The following CDS1 variants were observed in gnomAD, a reference collection of about 807,000 sequenced individuals.
CDS1 encodes the protein phosphatidate cytidylyltransferase 1.
CDS1 carries 41 observed loss-of-function variants against 62.1 expected under a neutral mutation model. The observed-to-expected ratio is 0.66, with a 90% CI of 0.51 to 0.86. The LOEUF is 0.86. Among genes scored for constraint, CDS1 ranks in the 40% least tolerant of loss-of-function variants. The pLI is 0.00. For missense variants in CDS1, 470 were observed against 550.1 expected, an observed-to-expected ratio of 0.85 and a Z score of 1.46; for synonymous variants, 185 against 192.6, an observed-to-expected ratio of 0.96 and a Z score of 0.32.
intron 4 of CDS1, among the ~76,000 whole-genome samples, chr4:84,617,918 T>C (rs947718283): frequency 2.6e-5 from 4 of 152,170 alleles, no homozygotes; most frequent in African/African-American, 4.8e-5. Context: ...TTGTCCTTTT[T>C]TTAATAAAAA....
At position 84,590,393 on chromosome 4, in the gene CDS1, C is replaced by T. The variant is rs534679059; in HGVS notation, c.117+6875C>T. 7.2e-5 allele frequency among the ~76,000 whole-genome samples: 11 copies of T among 152,158 alleles called. 1 individual carries two copies. The East Asian group carries it at 9.7e-4, about 13-fold the overall frequency. On this transcript the variant is annotated intron_variant, in intron 1 of 12. Coordinates refer to ENST00000295887, the MANE Select transcript of CDS1 (RefSeq NM_001263.4). ...TGGTAATGTAATAGTAAGCTATGTG[C>T]GGGTTAGGAATGGTAGTTAACTTGA...
At chr4:84,637,341 C>T (rs1724244326) in intron 8 of CDS1, among the ~76,000 whole-genome samples, 1 of 152,122 alleles carries the variant, frequency 6.6e-6, no homozygotes, top group South Asian at 2.1e-4. Context: ...CTTTAATTGG[C>T]TTATGGTTCT....
chr4:84,615,798 C>T (rs1723475871), intron 3 of CDS1, among the ~76,000 whole-genome samples: 1 of 152,124 alleles, frequency 6.6e-6, no homozygotes, highest in South Asian at 2.1e-4. Flanking sequence ...CAACAGAGTC[C>T]TATGAGTGTA....
intron 1 of CDS1, among the ~76,000 whole-genome samples, chr4:84,599,401 C>CATAT (rs1201257441): frequency 3.3e-3 from 78 of 23,844 alleles, no homozygotes; most frequent in Non-Finnish European, 7.2e-3. Context: ...TTGACACACA[C>CATAT]ACACATATAT....
chr4:84,628,924 G>A (rs977176674), intron 5 of CDS1, among the ~76,000 whole-genome samples: 27 of 152,094 alleles, frequency 1.8e-4, no homozygotes, highest in Non-Finnish European at 2.6e-4. Context: ...GCTGGGCAAC[G>A]AGATGTACGT....
chr4:84,614,694 C>T (rs1723432520), intron 3 of CDS1, among the ~76,000 whole-genome samples: 1 of 152,080 alleles, frequency 6.6e-6, no homozygotes, highest in Non-Finnish European at 1.5e-5. Context: ...ACAGACAAAT[C>T]TCTATGCAAA....
At chr4:84,616,731 T>C (rs906392167) in intron 3 of CDS1, among the ~76,000 whole-genome samples, 5 of 152,228 alleles carry the variant, frequency 3.3e-5, no homozygotes, top group Non-Finnish European at 7.3e-5. Flanking sequence ...ATTTGCTCTT[T>C]GAGTCTTGGA....
At chr4:84,609,994 G>A (rs983456281) in intron 3 of CDS1, among the ~76,000 whole-genome samples, 1 of 150,566 alleles carries the variant, frequency 6.6e-6, no homozygotes, top group South Asian at 2.1e-4. Context: ...CTGCAGCCTG[G>A]GCAACACAGA....
intron 1 of CDS1, among the ~76,000 whole-genome samples, chr4:84,586,263 A>G (rs1457300648): frequency 1.3e-5 from 2 of 152,130 alleles, no homozygotes; most frequent in African/African-American, 2.4e-5. Flanking sequence ...ATTCAGGTAC[A>G]TTACATTTAT....
In CDS1 at chr4:84,640,905, C is replaced by T. The variant is rs201473958; in HGVS notation, c.947C>T (p.Ser316Phe). Residue 316 changes from serine (S) to phenylalanine (F), a missense_variant, in exon 10 of 13, where the codon TCC (serine) becomes TTC (phenylalanine). Transcript: ENST00000295887. ...GTGGAATACCGAAGTGATGTAAACT[C>T]CTTCGTGACAGAATGTGAGCCCTCA... The part of the protein sequence containing the change: ...CPVEYRSDVN[S>F]FVTECEPSEL... 1 of 1,611,830 alleles carries T rather than the reference C, an allele frequency of 6.2e-7. No individual in the cohort carries two copies. Among genetic ancestry groups the T allele is most frequent in the African/African-American group, 1.3e-5 (1 of 74,902 alleles).
At chr4:84,603,629 C>T (rs531147663) in intron 1 of CDS1, among the ~76,000 whole-genome samples, 125 of 152,318 alleles carry the variant, frequency 8.2e-4, no homozygotes, top group Admixed American at 1.6e-3. Flanking sequence ...CATACTCACG[C>T]AGCTCCTGTA....
intron 5 of CDS1, among the ~76,000 whole-genome samples, chr4:84,631,031 TA>T (rs1391651679): frequency 6.7e-6 from 1 of 149,082 alleles, no homozygotes; most frequent in Non-Finnish European, 1.5e-5. Context: ...ATCATTGTAA[TA>T]AATTTGTAAA....
In CDS1 at chr4:84,634,166, C is replaced by T. The variant is rs143591518; in HGVS notation, c.722+227C>T. 2.7e-3 allele frequency among the ~76,000 whole-genome samples: 416 copies of T among 152,138 alleles called. 2 individuals are homozygous for T. Among genetic ancestry groups the T allele is most frequent in the African/African-American group, 9.8e-3 (406 of 41,504 alleles). On this transcript the variant is annotated intron_variant, in intron 7 of 12. Coordinates refer to ENST00000295887, the MANE Select transcript of CDS1 (RefSeq NM_001263.4). Reference sequence around the variant, plus strand: ...TCAAGTTCCAAATATAGGAAGTTCCCATAAAAGACCCAAAAAATTAATTAC... The same window carrying T: ...TCAAGTTCCAAATATAGGAAGTTCCTATAAAAGACCCAAAAAATTAATTAC...
rs964287115 is a variant in CDS1, at chr4:84,628,781, T to C, written c.581-3038T>C. ...AACTCATGGCCTCAAGCAGTCCTCC[T>C]TCCTTGGCCTCCCAAGGTGTTGGGA... On this transcript the variant is annotated intron_variant, in intron 5 of 12. Coordinates refer to ENST00000295887, the MANE Select transcript of CDS1 (RefSeq NM_001263.4). Among the ~76,000 whole-genome samples the C allele has an allele frequency of 7.9e-5, 12 of 152,172 alleles. No homozygotes were observed. The East Asian group carries it at 2.3e-3, about 29-fold the overall frequency.
At chr4:84,619,252 C>CATAAGG in intron 4 of CDS1, 142 bp from the exon 5 acceptor site, 1 of 444,762 alleles carries the variant, frequency 2.2e-6, no homozygotes, top group East Asian at 3.5e-5. Flanking sequence ...AGGAAAATAG[C>CATAAGG]ATTTTGGTAA....
chr4:84,649,067 C>T lies in CDS1; in HGVS notation c.*381C>T. 1 of 159,824 alleles carries T rather than the reference C, an allele frequency of 6.3e-6. No homozygotes were observed. Among genetic ancestry groups the T allele is most frequent in the Non-Finnish European group, 1.4e-5 (1 of 73,398 alleles). 9.9% of individuals were successfully genotyped at this position (159,824 alleles called of 1,614,324 possible). On this transcript the variant is annotated 3_prime_UTR_variant, in exon 13 of 13. Transcript: ENST00000295887. Reference sequence around the variant, plus strand: ...CTTTTTGCACAAATATTTACTTTTGCACTTGGAGCTGCTTTTAATTTTAGC... The same window carrying T: ...CTTTTTGCACAAATATTTACTTTTGTACTTGGAGCTGCTTTTAATTTTAGC...
In CDS1 at chr4:84,619,499, C is replaced by G. The variant is rs1381775352; in HGVS notation, c.546C>G (p.Tyr182Ter). 6.2e-7 allele frequency: 1 copy of G among 1,601,652 alleles called. No individual in the cohort carries two copies. The highest frequency in any genetic ancestry group is 8.5e-7 in the Non-Finnish European group (1 of 1,172,038). ...AACAACTTCAGTTCCTCATTCGCTA[C>G]CATAGATTTATATCATTTGCCCTCT... Reference protein sequence around the residue: ...REEQLQFLIRYHRFISFALYL... With the variant: ...REEQLQFLIR Residue 182 changes from tyrosine (Y) to a stop codon, truncating the protein, a stop_gained, in exon 5 of 13, where the codon TAC becomes TAG. Transcript: ENST00000295887. LOFTEE classifies it high-confidence loss of function.
chr4:84,611,451 AATTCT>A (rs1723321073), intron 3 of CDS1, among the ~76,000 whole-genome samples: 2 of 152,048 alleles, frequency 1.3e-5, no homozygotes, highest in African/African-American at 4.8e-5. Flanking sequence ...CTCCATATTC[AATTCT>A]ATTCATAGCT....
chr4:84,609,624 C>T, intron 3 of CDS1, 99 bp downstream of exon 3: 1 of 713,122 alleles, frequency 1.4e-6, no homozygotes. Flanking sequence ...GAAGCTAATT[C>T]AACACTCAGT....
Sources: gnomAD v4.1 joint callset for allele counts (sites outside exome capture counted in the v4.1 genomes callset) on GRCh38, gnomAD v4.1.1 for gene constraint, MANE v1.5 for transcripts, NCBI Gene and HGNC (gene_info 2026-07-23, HGNC 2026-07-21) for gene names.